Variants in ABHD14A observed in about 807,000 individuals in gnomAD.
The protein encoded by ABHD14A is abhydrolase domain containing 14A.
Under a neutral mutation model 27.0 loss-of-function variants are expected in ABHD14A, and 19 were observed. The ratio of observed to expected loss-of-function variants is 0.70; its 90% CI spans 0.49 to 1.03. ABHD14A has a LOEUF of 1.03. ABHD14A is among the 50% of genes least tolerant of loss of function. The pLI is 0.00. For missense variants in ABHD14A, 311 were observed against 344.6 expected, an observed-to-expected ratio of 0.90 and a Z score of 0.77; for synonymous variants, 148 against 158.8, an observed-to-expected ratio of 0.93 and a Z score of 0.51.
At chr3:51,975,281 C>T (rs1193758374) in intron 1 of ABHD14A, 77 bp downstream of exon 1, 2 of 1,203,228 alleles carry the variant, frequency 1.7e-6, no homozygotes, top group South Asian at 3.8e-5. Flanking sequence ...GCCCCGGCGC[C>T]CCGGGGCAGA....
chr3:51,979,040 G>C, intron 3 of ABHD14A: 2 of 205,966 alleles, frequency 9.7e-6, no homozygotes, highest in Non-Finnish European at 2.1e-5. Context: ...AGCTCTGAGA[G>C]ACTGGTGCCG....
chr3:51,976,727 A>T (rs1477282619), intron 1 of ABHD14A, among the ~76,000 whole-genome samples: 1 of 152,204 alleles, frequency 6.6e-6, no homozygotes, highest in Non-Finnish European at 1.5e-5. Context: ...GGAAGGAAGC[A>T]GGCGTGCTCA....
rs542010536 is a variant in ABHD14A at position 51,978,281 on chromosome 3, G to T, written c.304G>T (p.Gly102Ter). 7.1e-6 allele frequency: 11 copies of T among 1,551,582 alleles called. No individual in the cohort carries two copies. The Middle Eastern group carries it at 5.0e-4, about 71-fold the overall frequency. ...CAGGGTGGAGGTGGTGCTGCTTCAT[G>T]GAAAGGCCTTTAACTCTCACACGTG... ...AHRVEVVLLH[G>*]KAFNSHTWEQ... Residue 102 changes from glycine (G) to a stop codon, truncating the protein, a stop_gained, in exon 3 of 5, where the codon GGA becomes TGA. Coordinates refer to ENST00000273596, the MANE Select transcript of ABHD14A (RefSeq NM_015407.5). LOFTEE classifies it high-confidence loss of function.
intron 1 of ABHD14A, among the ~76,000 whole-genome samples, chr3:51,977,027 C>T (rs990172952): frequency 4.6e-5 from 7 of 152,140 alleles, no homozygotes; most frequent in African/African-American, 1.7e-4. Context: ...TTCATCTCTC[C>T]AACCTCTACA....
Position 51,980,944 on chromosome 3 carries a change from G to A in ABHD14A, c.742G>A (p.Gly248Ser), listed in dbSNP as rs757518907. The change falls in exon 5 of 5, where the codon GGC becomes AGC. Residue 248 changes from glycine to serine, a missense_variant. Physicochemically the swap from Gly to Ser is moderately conservative, Grantham distance 56. Coordinates refer to ENST00000273596, the MANE Select transcript of ABHD14A (RefSeq NM_015407.5). ...NHSVVKLRNA[G>S]HACYLHKPQD... ...CTCTGTGGTGAAGCTACGCAATGCA[G>A]GCCATGCCTGTTACCTCCACAAGCC... 1 of 1,614,004 alleles carries A rather than the reference G, an allele frequency of 6.2e-7. No homozygotes were observed. The highest frequency in any genetic ancestry group is 8.5e-7 in the Non-Finnish European group (1 of 1,180,006).
chr3:51,979,448 T>C (rs59100588), intron 3 of ABHD14A, among the ~76,000 whole-genome samples: 2 of 151,848 alleles, frequency 1.3e-5, no homozygotes, highest in East Asian at 3.9e-4. Flanking sequence ...GGATGTGTTG[T>C]GTTTTGTTTT....
chr3:51,978,797 G>A (rs1700846096), intron 3 of ABHD14A: 1 of 216,462 alleles, frequency 4.6e-6, no homozygotes, highest in African/African-American at 2.4e-5. Context: ...TCACCATGCT[G>A]GCCAGGCTGG....
chr3:51,980,811 C>T (rs202044651), intron 4 of ABHD14A, 25 bp from the exon 5 acceptor site: 772 of 1,600,062 alleles, frequency 4.8e-4, no homozygotes, highest in Non-Finnish European at 6.2e-4. Context: ...GCCCCAAGAT[C>T]ACAGCCCCCT....
At chr3:51,980,292 G>A (rs1439244115) in intron 3 of ABHD14A, 101 bp from the exon 4 acceptor site, 1 of 1,007,692 alleles carries the variant, frequency 9.9e-7, no homozygotes, top group Non-Finnish European at 1.6e-6. Context: ...GGTAGTGTGT[G>A]CCAGTGCCAG....
At chr3:51,978,878 C>A in intron 3 of ABHD14A, 1 of 287,426 alleles carries the variant, frequency 3.5e-6, no homozygotes, top group South Asian at 2.6e-5. Flanking sequence ...AGGTGTGAGC[C>A]ACTGCGCCCG....
intron 3 of ABHD14A, among the ~76,000 whole-genome samples, chr3:51,979,506 A>T (rs1700868710): frequency 7.2e-6 from 1 of 137,932 alleles, no homozygotes. Context: ...TTTTTTTGAG[A>T]CAGAGCCTCG....
At chr3:51,979,804 T>G (rs994950205) in intron 3 of ABHD14A, among the ~76,000 whole-genome samples, 2 of 151,566 alleles carry the variant, frequency 1.3e-5, no homozygotes, top group African/African-American at 4.8e-5. Context: ...ATTTTTAAAT[T>G]TAGATAACTA....
In ABHD14A at chr3:51,977,966, C is replaced by A. The variant is rs747177873; in HGVS notation, c.165C>A (p.Pro55=). 1.9e-6 allele frequency: 3 copies of A among 1,614,120 alleles called. No individual in the cohort carries two copies. In the Admixed American group the frequency reaches 5.0e-5, roughly 27 times the overall value. ...MLLLYVGLPG[P]PEQTSCLWGD... is the part of the protein sequence containing the mutation. ...TACTGTATGTGGGGCTGCCAGGCCC[C>A]CCTGAGCAGACTTCCTGCCTCTGGG... Residue 55 remains proline, a synonymous_variant, in exon 2 of 5, where the codon CCC becomes CCA. Coordinates refer to ENST00000273596, the MANE Select transcript of ABHD14A (RefSeq NM_015407.5).
intron 3 of ABHD14A, 169 bp downstream of exon 3, chr3:51,978,543 G>A (rs1029947795): frequency 1.5e-5 from 7 of 463,768 alleles, no homozygotes; most frequent in African/African-American, 1.4e-4. Flanking sequence ...CTAGGTCATG[G>A]AGCAAATAAA....
intron 1 of ABHD14A, among the ~76,000 whole-genome samples, chr3:51,976,514 A>T (rs1180537894): frequency 6.6e-6 from 1 of 151,834 alleles, no homozygotes; most frequent in Non-Finnish European, 1.5e-5. Context: ...GTCTCTACTA[A>T]AAAATACAAA....
chr3:51,975,569 G>C (rs1442697292), intron 1 of ABHD14A, among the ~76,000 whole-genome samples: 2 of 151,990 alleles, frequency 1.3e-5, no homozygotes, highest in Non-Finnish European at 2.9e-5. Flanking sequence ...CTGCGTGTGT[G>C]CATTTCTGGG....
In ABHD14A at chr3:51,977,890, T is replaced by G. The variant is rs148342997; in HGVS notation, c.89T>G (p.Met30Arg). The G allele has an allele frequency of 9.7e-4, 1,571 of 1,613,694 alleles. 16 individuals carry two copies. The African/African-American group carries it at 0.018, about 18-fold the overall frequency. The change falls in exon 2 of 5, where the codon ATG (methionine) becomes AGG (arginine). Residue 30 changes from methionine (M) to arginine (R), a missense_variant. Met to Arg is a moderately conservative substitution (Grantham distance 91). Coordinates refer to ENST00000273596, the MANE Select transcript of ABHD14A (RefSeq NM_015407.5). ...PLGPTVVQTS[M>R]SRSQVALLGL... ...CTCCAGACTGTGGTACAGACCTCCA[T>G]GAGCCGGTCCCAGGTAGCCCTGCTG...
Position 51,980,476 on chromosome 3 carries a change from G to A in ABHD14A, c.481G>A (p.Glu161Lys), listed in dbSNP as rs778676267. The A allele has an allele frequency of 1.2e-6, 2 of 1,613,862 alleles. No homozygotes were observed. The highest frequency in any genetic ancestry group is 2.2e-5 in the South Asian group (2 of 91,084). ...ALLERALRDLEVQNAVLVSPS... is the reference protein window; with the variant it reads ...ALLERALRDLKVQNAVLVSPS... ...GCTGGAGCGGGCGCTGCGGGACCTGGAGGTACAGAATGCCGTGTTGGTGAG... is the reference window on the plus strand; with the variant it reads ...GCTGGAGCGGGCGCTGCGGGACCTGAAGGTACAGAATGCCGTGTTGGTGAG... The change falls in exon 4 of 5, where the codon GAG becomes AAG. Residue 161 changes from glutamate to lysine, a missense_variant. Glu to Lys is a moderately conservative substitution (Grantham distance 56). Coordinates refer to ENST00000273596, the MANE Select transcript of ABHD14A (RefSeq NM_015407.5).
chr3:51,977,606 T>C (rs550478425), intron 1 of ABHD14A, among the ~76,000 whole-genome samples: 1 of 152,364 alleles, frequency 6.6e-6, no homozygotes, highest in Admixed American at 6.5e-5. Flanking sequence ...TTTCAGCTGA[T>C]GCCATGATGG....
Sources: allele counts gnomAD v4.1 joint callset (sites outside exome capture counted in the v4.1 genomes callset), GRCh38; gene constraint gnomAD v4.1.1; transcripts MANE v1.5; gene names NCBI Gene and HGNC (gene_info 2026-07-23, HGNC 2026-07-21).